ACER2: variants seen among roughly 807,000 people sequenced by gnomAD.
ACER2 encodes alkCDase 2.
In ACER2, 26 loss-of-function variants were observed where a neutral mutation model predicts 34.7. That is an observed-to-expected ratio of 0.75 (90% CI 0.55 to 1.04). ACER2 has a LOEUF of 1.04. Ranked by LOEUF, ACER2 falls within the 50% of genes least tolerant of loss-of-function variation. The pLI is 0.00. For synonymous variants in ACER2, 138 were observed against 132.1 expected (o/e 1.04, Z -0.31); for missense variants, 352 against 340.8 (o/e 1.03, Z -0.26).
chr9:19,448,548 AG>A (rs1831453250), intron 5 of ACER2, among the ~76,000 whole-genome samples: 1 of 152,130 alleles, frequency 6.6e-6, no homozygotes, highest in African/African-American at 2.4e-5. Context: ...GATTGATTTG[AG>A]TTTCTGAATA....
intron 3 of ACER2, among the ~76,000 whole-genome samples, chr9:19,427,494 A>G (rs1563879615): frequency 6.6e-6 from 1 of 152,164 alleles, no homozygotes; most frequent in Non-Finnish European, 1.5e-5. Context: ...TCTGCAGTGG[A>G]AGTGGCAGAC....
chr9:19,429,663 T>C (rs1015995122), intron 3 of ACER2, among the ~76,000 whole-genome samples: 2 of 152,222 alleles, frequency 1.3e-5, no homozygotes, highest in Non-Finnish European at 2.9e-5. Flanking sequence ...TTTATTCTGC[T>C]ATAGTTTTTA....
At chr9:19,437,038 A>G (rs2132510508) in intron 4 of ACER2, among the ~76,000 whole-genome samples, 1 of 152,298 alleles carries the variant, frequency 6.6e-6, no homozygotes, top group East Asian at 1.9e-4. Flanking sequence ...TTCCTAAGGT[A>G]GGCATTCTCC....
intron 4 of ACER2, among the ~76,000 whole-genome samples, chr9:19,438,343 A>G (rs1831038119): frequency 6.6e-6 from 1 of 152,186 alleles, no homozygotes; most frequent in Admixed American, 6.5e-5. Context: ...GTATAGCTAA[A>G]TCATCTGCTT....
intron 1 of ACER2, among the ~76,000 whole-genome samples, chr9:19,423,626 G>A (rs1176320655): frequency 1.3e-5 from 2 of 152,158 alleles, no homozygotes; most frequent in Non-Finnish European, 2.9e-5. Context: ...GCTTGAACTC[G>A]GGAGGTAGAG....
intron 1 of ACER2, among the ~76,000 whole-genome samples, chr9:19,417,088 CAG>C (rs1214992140): frequency 2.6e-5 from 3 of 113,766 alleles, no homozygotes; most frequent in Non-Finnish European, 4.1e-5. Context: ...CAATAATAGA[CAG>C]AGAGGCAAAT....
chr9:19,426,148 G>A lies in ACER2; in HGVS notation c.365+1307G>A, dbSNP rs1483803598. ...TGGGAGGTGAGGACACCTAACTACA[G>A]CCATTGGCTGTTCTTGGGCATTGCC... On this transcript the variant is annotated intron_variant, in intron 3 of 5. Transcript: ENST00000340967. Among the ~76,000 whole-genome samples the A allele has an allele frequency of 2.0e-5, 3 of 151,432 alleles. No homozygotes were observed. The East Asian group carries it at 5.8e-4, about 29-fold the overall frequency.
Position 19,450,828 on chromosome 9 carries a change from T to C in ACER2, c.*192T>C. ...TAAACTTTGTCATATGGTACAAATA[T>C]TCCCTGCCCCCCTGCAGTTTCCCAT... On this transcript the variant is annotated 3_prime_UTR_variant, in exon 6 of 6. Transcript: ENST00000340967. The C allele has an allele frequency of 2.3e-6, 1 of 436,106 alleles. No homozygotes were observed. Among genetic ancestry groups the C allele is most frequent in the Non-Finnish European group, 3.8e-6 (1 of 260,076 alleles). The allele number at this position is 436,106 out of a possible 1,614,324, so 27.0% of individuals were successfully genotyped here. A position where few individuals can be genotyped will look rare whatever the true frequency, so the allele number is the denominator to read the frequency against.
chr9:19,429,673 A>G (rs558116476), intron 3 of ACER2, among the ~76,000 whole-genome samples: 2 of 152,292 alleles, frequency 1.3e-5, no homozygotes, highest in African/African-American at 2.4e-5. Flanking sequence ...TATAGTTTTT[A>G]TGATTTTATC....
At position 19,446,300 on chromosome 9, in the gene ACER2, T is replaced by G; in HGVS notation, c.523T>G (p.Phe175Val). 1 of 1,614,136 alleles carries G rather than the reference T, an allele frequency of 6.2e-7. No homozygotes were observed. The highest frequency in any genetic ancestry group is 1.3e-5 in the African/African-American group (1 of 75,006). ...GTGCAGGTGTGACAACATGCGTGTG[T>G]TTAAGCTGGGCCTCTTCTCGGGCCT... ...ELKRCDNMRV[F>V]KLGLFSGLWW... The change falls in exon 5 of 6, where the codon TTT becomes GTT. Residue 175 changes from phenylalanine to valine, a missense_variant. By Grantham distance (50) the Phe-to-Val change is conservative. Transcript: ENST00000340967.
intron 5 of ACER2, 72 bp from the exon 6 acceptor site, chr9:19,450,378 A>G (rs1054750506): frequency 6.9e-7 from 1 of 1,448,362 alleles, no homozygotes; most frequent in Admixed American, 1.9e-5. Flanking sequence ...GACCGGAAGA[A>G]GGAGCAGGCT....
chr9:19,433,794 C>T (rs1343017316), intron 3 of ACER2, among the ~76,000 whole-genome samples: 1 of 150,260 alleles, frequency 6.7e-6, no homozygotes, highest in African/African-American at 2.5e-5. Context: ...CTGACCCCCC[C>T]ACCTCCTTCC....
At chr9:19,419,168 G>A in intron 1 of ACER2, among the ~76,000 whole-genome samples, 1 of 152,058 alleles carries the variant, frequency 6.6e-6, no homozygotes, top group East Asian at 1.9e-4. Flanking sequence ...TTCAGCCTGG[G>A]CAACAAGAGC....
intron 3 of ACER2, among the ~76,000 whole-genome samples, chr9:19,427,319 G>A (rs1830600984): frequency 6.6e-6 from 1 of 152,186 alleles, no homozygotes; most frequent in African/African-American, 2.4e-5. Context: ...AATGTACATT[G>A]ACAATTTTAA....
chr9:19,434,231 C>T (rs1391487834), intron 3 of ACER2, among the ~76,000 whole-genome samples: 8 of 151,852 alleles, frequency 5.3e-5, no homozygotes, highest in Admixed American at 4.6e-4. Context: ...CGGGAAGAGG[C>T]GCTCCTCACT....
At chr9:19,440,146 G>T (rs187335480) in intron 4 of ACER2, among the ~76,000 whole-genome samples, 1 of 152,010 alleles carries the variant, frequency 6.6e-6, no homozygotes, top group South Asian at 2.1e-4. Flanking sequence ...TCGGCTGCTC[G>T]CCCAATTAGT....
intron 5 of ACER2, among the ~76,000 whole-genome samples, chr9:19,449,124 C>T (rs983649491): frequency 1.3e-5 from 2 of 152,060 alleles, no homozygotes; most frequent in African/African-American, 2.4e-5. Flanking sequence ...AGTGAGACCC[C>T]GTCTCCAAAA....
chr9:19,413,657 C>G (rs1563871030), intron 1 of ACER2, among the ~76,000 whole-genome samples: 2 of 151,186 alleles, frequency 1.3e-5, no homozygotes, highest in Non-Finnish European at 1.5e-5. Context: ...GACCTAGCCA[C>G]TTTGGAGAAA....
At chr9:19,432,540 C>CTA (rs151316778) in intron 3 of ACER2, among the ~76,000 whole-genome samples, 29,328 of 149,490 alleles carry the variant, frequency 0.2, 2,957 homozygotes, top group South Asian at 0.29. Flanking sequence ...CCTGCAAAAC[C>CTA]TATATATATA....
Sources: allele counts gnomAD v4.1 joint callset (sites outside exome capture counted in the v4.1 genomes callset), GRCh38; gene constraint gnomAD v4.1.1; transcripts MANE v1.5; gene names NCBI Gene and HGNC (gene_info 2026-07-23, HGNC 2026-07-21).